Variants in TRPV4 observed in about 807,000 individuals in gnomAD.
The protein encoded by TRPV4 is transient receptor potential cation channel subfamily V member 4, also known as OSM9-like transient receptor potential channel 4.
Under a neutral mutation model 84.1 loss-of-function variants are expected in TRPV4, and 58 were observed. The ratio of observed to expected loss-of-function variants is 0.69; its 90% CI spans 0.56 to 0.86. The LOEUF (loss-of-function observed/expected upper bound fraction) is 0.86, where lower values mean the gene tolerates loss of function less well. TRPV4 is among the 40% of genes least tolerant of loss of function. The probability of loss-of-function intolerance (pLI) is 0.00; values close to 1 mark genes in which losing one functional copy is unlikely to be tolerated. For missense variants in TRPV4, 879 were observed against 1,181.1 expected (o/e 0.74, Z 3.75); for synonymous variants, 489 against 500.9 (o/e 0.98, Z 0.32).
At chr12:109,813,369 G>A (rs539127145) in intron 2 of TRPV4, among the ~76,000 whole-genome samples, 1 of 152,232 alleles carries the variant, frequency 6.6e-6, no homozygotes, top group East Asian at 1.9e-4. Context: ...CCGAGATCAT[G>A]CCATTGCACT....
intron 13 of TRPV4, among the ~76,000 whole-genome samples, chr12:109,787,627 G>A (rs1423380560): frequency 6.6e-6 from 1 of 152,152 alleles, no homozygotes; most frequent in Admixed American, 6.6e-5. Context: ...TGGGGAAACT[G>A]AGGCCCAATG....
At chr12:109,795,025 G>GA (rs1308434319) in intron 7 of TRPV4, among the ~76,000 whole-genome samples, 19 of 151,970 alleles carry the variant, frequency 1.3e-4, no homozygotes, top group African/African-American at 4.3e-4. Flanking sequence ...TCTCAAAAAA[G>GA]AAAAAAAGAC....
chr12:109,814,773 G>T lies in TRPV4; in HGVS notation c.24C>A (p.Pro8=), dbSNP rs1891762098. The part of the protein sequence containing the change: MADSSEG[P]RAGPGEVAEL... Reference sequence around the variant, plus strand: ...CAGCCACCTCCCCGGGCCCCGCGCGGGGGCCTTCGCTGGAATCCGCCATGC... The same window carrying T: ...CAGCCACCTCCCCGGGCCCCGCGCGTGGGCCTTCGCTGGAATCCGCCATGC... The change falls in exon 2 of 16, where the codon CCC becomes CCA. Residue 8 remains proline, a synonymous_variant. Coordinates refer to ENST00000261740, the MANE Select transcript of TRPV4 (RefSeq NM_021625.5). The surrounding 1 kb of genome is among the most constrained non-coding windows in gnomAD (Gnocchi z 5.4). 1.9e-6 allele frequency: 3 copies of T among 1,549,726 alleles called. No individual in the cohort carries two copies. The highest frequency in any genetic ancestry group is 1.4e-5 in the African/African-American group (1 of 73,344).
At position 109,796,703 on chromosome 12, in the gene TRPV4, A is replaced by AT; in HGVS notation, c.1153dup (p.Ile385AsnfsTer13). On this transcript the variant is annotated frameshift_variant and splice_region_variant, in exon 7 of 16. Transcript: ENST00000261740. LOFTEE classifies it high-confidence loss of function. This position sits in a 1 kb window ranked among gnomAD's most constrained non-coding sequence, Gnocchi z 4.2. ...CTCCCGCCGGATGATGTGCTGAAAG[A>AT]TCTGCACAGGGGGCCAGGAGGGTCA... 1.9e-6 allele frequency: 3 copies of AT among 1,611,492 alleles called. No individual in the cohort carries two copies. The highest frequency in any genetic ancestry group is 2.5e-6 in the Non-Finnish European group (3 of 1,178,096).
intron 1 of TRPV4, among the ~76,000 whole-genome samples, chr12:109,827,980 A>G (rs1892313646): frequency 6.6e-6 from 1 of 152,198 alleles, no homozygotes; most frequent in African/African-American, 2.4e-5. Flanking sequence ...GAAGGTGGCC[A>G]GCCCACTCGG....
chr12:109,812,797 C>T (rs1453921811), intron 2 of TRPV4, among the ~76,000 whole-genome samples: 1 of 152,168 alleles, frequency 6.6e-6, no homozygotes, highest in Non-Finnish European at 1.5e-5. Context: ...AAATGACATT[C>T]AGATGAGAAA....
intron 10 of TRPV4, 73 bp from the exon 11 acceptor site, chr12:109,792,890 G>T: frequency 1.3e-6 from 2 of 1,494,608 alleles, no homozygotes; most frequent in Non-Finnish European, 9.2e-7. Flanking sequence ...GGGAAGACAC[G>T]CCTCCAAGCC....
At position 109,793,310 on chromosome 12, in the gene TRPV4, C is replaced by T. The variant is rs1175202760; in HGVS notation, c.1658+217G>A. 1.3e-5 allele frequency among the ~76,000 whole-genome samples: 2 copies of T among 152,222 alleles called. No individual in the cohort carries two copies. Among genetic ancestry groups the T allele is most frequent in the African/African-American group, 4.8e-5 (2 of 41,464 alleles). ...CCAGCATAAGAGGTTAAAATTATTT[C>T]TATCCATGTTGTATATGATAACTCC... On this transcript the variant is annotated intron_variant, in intron 10 of 15. Coordinates refer to ENST00000261740, the MANE Select transcript of TRPV4 (RefSeq NM_021625.5). The surrounding 1 kb of genome is among the most constrained non-coding windows in gnomAD (Gnocchi z 4.0).
chr12:109,800,826 G>T, intron 4 of TRPV4, 68 bp from the exon 5 acceptor site: 2 of 1,540,846 alleles, frequency 1.3e-6, no homozygotes, highest in Non-Finnish European at 1.8e-6. Flanking sequence ...GCTGGGGGTG[G>T]GGGTAGGGTG....
rs756305668 is a variant in TRPV4 at position 109,793,641 on chromosome 12, C to T, written c.1585-41G>A. ...GGGCACGTGAAAGGGGTGGGGCCAG[C>T]AGGAGAGGAGAGGAGGAGAGAGGAG... On this transcript the variant is annotated intron_variant, in intron 9 of 15. Coordinates refer to ENST00000261740, the MANE Select transcript of TRPV4 (RefSeq NM_021625.5). The surrounding 1 kb of genome is among the most constrained non-coding windows in gnomAD (Gnocchi z 4.0). The T allele has an allele frequency of 6.5e-7, 1 of 1,532,926 alleles. No individual in the cohort carries two copies. Among genetic ancestry groups the T allele is most frequent in the Non-Finnish European group, 9.0e-7 (1 of 1,106,682 alleles). 95.0% of individuals were successfully genotyped at this position (1,532,926 alleles called of 1,614,324 possible).
chr12:109,833,091 C>T (rs556976840), intron 1 of TRPV4, among the ~76,000 whole-genome samples: 1 of 152,190 alleles, frequency 6.6e-6, no homozygotes, highest in South Asian at 2.1e-4. Context: ...GCCCTCCCCC[C>T]AGACCTGCTA....
At chr12:109,787,717 C>A (rs142321597) in intron 13 of TRPV4, among the ~76,000 whole-genome samples, 1 of 152,292 alleles carries the variant, frequency 6.6e-6, no homozygotes, top group Non-Finnish European at 1.5e-5. Context: ...CAACCTTGGG[C>A]CCTTTTTTCT....
chr12:109,797,328 A>G (rs550072389), intron 6 of TRPV4, among the ~76,000 whole-genome samples: 6 of 151,608 alleles, frequency 4.0e-5, no homozygotes, highest in Non-Finnish European at 8.8e-5. Context: ...ATATTTTTGT[A>G]TTTTTAGTAG....
chr12:109,803,295 C>A (rs896898811), intron 3 of TRPV4, 152 bp from the exon 4 acceptor site: 6 of 905,676 alleles, frequency 6.6e-6, no homozygotes, highest in Non-Finnish European at 8.7e-6. Flanking sequence ...CCAGTGGGGA[C>A]CCAGGGCCAC....
chr12:109,830,124 T>C (rs1892373051), intron 1 of TRPV4, among the ~76,000 whole-genome samples: 1 of 152,126 alleles, frequency 6.6e-6, no homozygotes, highest in Non-Finnish European at 1.5e-5. Flanking sequence ...CCAACTCAGG[T>C]TCCTATCTCT....
Position 109,786,943 on chromosome 12 carries a change from G to A in TRPV4, c.2209-106C>T. The A allele has an allele frequency of 6.7e-7, 1 of 1,489,038 alleles. No homozygotes were observed. The highest frequency in any genetic ancestry group is 9.2e-7 in the Non-Finnish European group (1 of 1,082,394). The allele number at this position is 1,489,038 out of a possible 1,614,324, so 92.2% of individuals were successfully genotyped here. ...CGGGCCAGGGTGGGCCCAGAACTAG[G>A]CATTTAGACTCCTACTCCCCACTAG... is the stretch of plus-strand genomic sequence containing the variant. On this transcript the variant is annotated intron_variant, in intron 13 of 15. Coordinates refer to ENST00000261740, the MANE Select transcript of TRPV4 (RefSeq NM_021625.5). This position sits in a 1 kb window ranked among gnomAD's most constrained non-coding sequence, Gnocchi z 4.5.
chr12:109,820,494 C>T (rs1433847853), intron 1 of TRPV4, among the ~76,000 whole-genome samples: 2 of 134,940 alleles, frequency 1.5e-5, no homozygotes, highest in Non-Finnish European at 1.6e-5. Context: ...CCTCTCTGAT[C>T]TTCACTTTCT....
intron 3 of TRPV4, among the ~76,000 whole-genome samples, chr12:109,806,938 C>T (rs1175685286): frequency 6.6e-6 from 1 of 151,318 alleles, no homozygotes; most frequent in African/African-American, 2.4e-5. Flanking sequence ...CTTGTTCACC[C>T]TGTTTGGGAA....
chr12:109,792,382 G>A lies in TRPV4; in HGVS notation c.1872C>T (p.Phe624=). The A allele has an allele frequency of 6.2e-7, 1 of 1,613,576 alleles. No individual in the cohort carries two copies. The highest frequency in any genetic ancestry group is 1.1e-5 in the South Asian group (1 of 91,022). ...LFRFLLVYLL[F]MIGYASALVS... is the part of the protein sequence containing the mutation. Reference sequence around the variant, plus strand: ...GCTCACCTGAAGCGTAGCCGATCATGAAGAGCAAGTAGACGAGCAGGAATC... The same window carrying A: ...GCTCACCTGAAGCGTAGCCGATCATAAAGAGCAAGTAGACGAGCAGGAATC... Residue 624 remains phenylalanine (F), a synonymous_variant, in exon 12 of 16, where the codon TTC becomes TTT. Transcript: ENST00000261740.
Sources: allele counts gnomAD v4.1 joint callset (sites outside exome capture counted in the v4.1 genomes callset), GRCh38; gene constraint gnomAD v4.1.1; non-coding constraint Gnocchi (gnomAD v3.1); transcripts MANE v1.5; gene names NCBI Gene and HGNC (gene_info 2026-07-23, HGNC 2026-07-21).